UGT2B11: variants seen among roughly 807,000 people sequenced by gnomAD.
The protein encoded by UGT2B11 is UDP glucuronosyltransferase family 2 member B11, also known as UDP-glucuronosyltransferase 2B11.
In UGT2B11, 49 loss-of-function variants were observed where a neutral mutation model predicts 51.7. The ratio of observed to expected loss-of-function variants is 0.95; its 90% CI spans 0.75 to 1.20. The LOEUF is 1.20. Ranked by LOEUF, UGT2B11 falls within the 50% of genes most tolerant of loss-of-function variation. UGT2B11 has a pLI of 0.00. For synonymous variants in UGT2B11, 273 were observed against 209.0 expected (o/e 1.31, Z -2.64); for missense variants, 810 against 622.1 (o/e 1.30, Z -3.21).
rs533247469 is a variant in UGT2B11, at chr4:69,208,157, C to A, written c.1002+194G>T. 1.1e-4 allele frequency among the ~76,000 whole-genome samples: 17 copies of A among 151,596 alleles called. No homozygotes were observed. In the East Asian group the frequency reaches 2.2e-3, roughly 19 times the overall value. On this transcript the variant is annotated intron_variant, in intron 3 of 5. Transcript: ENST00000446444. ...CTCATGAATACCAAGGGTAGTAACT[C>A]CCCCAGGGCCACATGTAACCACTAA...
chr4:69,219,674 G>A (rs1187019039), upstream of UGT2B11, among the ~76,000 whole-genome samples: 1 of 152,164 alleles, frequency 6.6e-6, no homozygotes, highest in African/African-American at 2.4e-5. Context: ...GAAGACTTGT[G>A]TAGGGAAACT....
Position 69,208,401 on chromosome 4 carries a change from C to T in UGT2B11, c.952G>A (p.Ala318Thr). The T allele has an allele frequency of 6.2e-7, 1 of 1,610,914 alleles. No homozygotes were observed. The highest frequency in any genetic ancestry group is 8.5e-7 in the Non-Finnish European group (1 of 1,178,172). ...GTTGCAATTACATTGGCCCTTTCTG[C>T]TGTCATGTTACTTATCACTGACCCC... ...SLGSVISNMT[A>T]ERANVIATAL... The change falls in exon 3 of 6, where the codon GCA becomes ACA. Residue 318 changes from alanine (A) to threonine (T), a missense_variant. By Grantham distance (58) the Ala-to-Thr change is moderately conservative. Transcript: ENST00000446444.
rs1195531185 is a variant in UGT2B11, at chr4:69,200,430, T to C, written c.*10A>G. On this transcript the variant is annotated 3_prime_UTR_variant, in exon 6 of 6. Coordinates refer to ENST00000446444, the MANE Select transcript of UGT2B11 (RefSeq NM_001073.3). ...CTATCTGGTTTTCCAGCTTCAAATGTCAGACATAACTAATCTCTTTTTCCC... is the reference window on the plus strand; with the variant it reads ...CTATCTGGTTTTCCAGCTTCAAATGCCAGACATAACTAATCTCTTTTTCCC... The C allele has an allele frequency of 1.2e-6, 2 of 1,603,852 alleles. No individual in the cohort carries two copies. The highest frequency in any genetic ancestry group is 1.3e-5 in the African/African-American group (1 of 74,362).
chr4:69,219,752 C>T, the UGT2B11 span, among the ~76,000 whole-genome samples: 13 of 152,182 alleles, frequency 8.5e-5, no homozygotes, highest in East Asian at 1.6e-3. Flanking sequence ...GGGAAAAATG[C>T]GCTACAATGA....
intron 2 of UGT2B11, among the ~76,000 whole-genome samples, chr4:69,211,935 A>C (rs1012699137): frequency 6.6e-6 from 1 of 151,456 alleles, no homozygotes; most frequent in African/African-American, 2.4e-5. Flanking sequence ...TCTCATTCTT[A>C]GTCATTCCCT....
upstream of UGT2B11, among the ~76,000 whole-genome samples, chr4:69,218,683 C>G (rs1722335000): frequency 6.6e-6 from 1 of 151,494 alleles, no homozygotes; most frequent in Non-Finnish European, 1.5e-5. Flanking sequence ...GGAAGGAATT[C>G]AAGGTGAGTC....
At chr4:69,211,096 G>A (rs1722042531) in intron 2 of UGT2B11, 1 of 151,522 alleles carries the variant, frequency 6.6e-6, no homozygotes, top group East Asian at 1.9e-4. Flanking sequence ...AGTTCATCCA[G>A]AAAGCTTTAC....
chr4:69,206,159 G>A (rs4386666), intron 3 of UGT2B11, among the ~76,000 whole-genome samples: 120,140 of 151,116 alleles, frequency 0.8, 47,916 homozygotes, highest in Non-Finnish European at 0.82. Flanking sequence ...GTTCTTTTAT[G>A]AAGATCCATG....
chr4:69,204,359 A>T, intron 5 of UGT2B11, 71 bp downstream of exon 5: 2 of 1,585,592 alleles, frequency 1.3e-6, no homozygotes, highest in Non-Finnish European at 1.7e-6. Flanking sequence ...AAAAGGATGA[A>T]ACTCATGCTC....
At position 69,214,449 on chromosome 4, in the gene UGT2B11, G is replaced by C. The variant is rs766895398; in HGVS notation, c.274C>G (p.Gln92Glu). Residue 92 changes from glutamine to glutamate, a missense_variant, in exon 1 of 6, where the codon CAA (glutamine) becomes GAA (glutamate). By Grantham distance (29) the Gln-to-Glu change is conservative. Transcript: ENST00000446444. The part of the protein sequence containing the change: ...TKTEFENIIM[Q>E]QVKRWSDIRK... ...ATGTCTGACCATCTCTTAACCTGTT[G>C]CATGATGATATTCTCAAATTCAGTT... 6.2e-7 allele frequency: 1 copy of C among 1,613,232 alleles called. No homozygotes were observed. The highest frequency in any genetic ancestry group is 1.1e-5 in the South Asian group (1 of 91,060).
chr4:69,217,135 A>T (rs1323861613), upstream of UGT2B11, among the ~76,000 whole-genome samples: 1 of 152,074 alleles, frequency 6.6e-6, no homozygotes, highest in Non-Finnish European at 1.5e-5. Context: ...TTTTCTGAAT[A>T]TTTGCAGCAT....
rs903398465 is a variant in UGT2B11, at chr4:69,214,695, G to C, written c.28C>G (p.Leu10Val). Reference protein sequence around the residue: MTLKWTSVLLLIHLSCYFSS... With the variant: MTLKWTSVLVLIHLSCYFSS... ...AAGTAACAACTGAGATGTATCAGCA[G>C]AAGAACTGAAGTCCATTTCAGAGTC... is the stretch of plus-strand genomic sequence containing the variant. Residue 10 changes from leucine to valine, a missense_variant, in exon 1 of 6, where the codon CTG becomes GTG. Leu to Val is a conservative substitution (Grantham distance 32, BLOSUM62 1). Transcript: ENST00000446444. The C allele has an allele frequency of 1.2e-6, 2 of 1,612,472 alleles. No individual in the cohort carries two copies. The highest frequency in any genetic ancestry group is 1.7e-6 in the Non-Finnish European group (2 of 1,179,034).
upstream of UGT2B11, chr4:69,216,434 C>G (rs1196775847): frequency 2.0e-5 from 3 of 151,772 alleles, 1 homozygote; most frequent in African/African-American, 7.3e-5. Context: ...AATTTAACAG[C>G]AGATTGTTGG....
the UGT2B11 span, among the ~76,000 whole-genome samples, chr4:69,221,365 G>A: frequency 2.0e-5 from 3 of 152,142 alleles, no homozygotes; most frequent in Admixed American, 6.5e-5. Context: ...AGAGCTTCAG[G>A]CCTTTAGGGA....
Position 69,208,913 on chromosome 4 carries a change from T to C in UGT2B11, c.871-431A>G, listed in dbSNP as rs189620631. 2.0e-5 allele frequency among the ~76,000 whole-genome samples: 3 copies of C among 151,822 alleles called. No individual in the cohort carries two copies. The East Asian group carries it at 5.8e-4, about 30-fold the overall frequency. On this transcript the variant is annotated intron_variant, in intron 2 of 5. Transcript: ENST00000446444. Reference sequence around the variant, plus strand: ...TATTTCAGGCATGTTTTCTGTAGAATTCTTTTAGTTTGAAGCCATTAGTGG... The same window carrying C: ...TATTTCAGGCATGTTTTCTGTAGAACTCTTTTAGTTTGAAGCCATTAGTGG...
upstream of UGT2B11, among the ~76,000 whole-genome samples, chr4:69,218,272 A>G: frequency 6.6e-6 from 1 of 152,154 alleles, no homozygotes; most frequent in Non-Finnish European, 1.5e-5. Flanking sequence ...AGAACAGACA[A>G]CAAAATGAGA....
In UGT2B11 at chr4:69,214,571, T is replaced by C; in HGVS notation, c.152A>G (p.His51Arg). 3.7e-6 allele frequency: 6 copies of C among 1,613,354 alleles called. No individual in the cohort carries two copies. Among genetic ancestry groups the C allele is most frequent in the East Asian group, 2.2e-5 (1 of 44,822 alleles). The stretch of plus-strand genomic sequence containing the variant: ...TGAAGATGCCAGTACAGTCACCTCA[T>C]GACCTCTCTGAACAAGCTCTTTCAG... ...TILKELVQRG[H>R]EVTVLASSAS... Residue 51 changes from histidine (H) to arginine (R), a missense_variant, in exon 1 of 6, where the codon CAT (histidine) becomes CGT (arginine). Transcript: ENST00000446444.
chr4:69,208,615 C>T, intron 2 of UGT2B11, 133 bp from the exon 3 acceptor site: 2 of 1,470,648 alleles, frequency 1.4e-6, no homozygotes, highest in East Asian at 2.4e-5. Flanking sequence ...TATTTTTTAA[C>T]TGAATCATTC....
At chr4:69,222,806 G>A in the UGT2B11 span, among the ~76,000 whole-genome samples, 1 of 152,154 alleles carries the variant, frequency 6.6e-6, no homozygotes, top group African/African-American at 2.4e-5. Flanking sequence ...ACATGAATGG[G>A]CCCAAATTCT....
Sources: allele counts gnomAD v4.1 joint callset (sites outside exome capture counted in the v4.1 genomes callset), GRCh38; gene constraint gnomAD v4.1.1; transcripts MANE v1.5; gene names NCBI Gene and HGNC (gene_info 2026-07-23, HGNC 2026-07-21).